Variants in AUTS2 observed in about 807,000 individuals in gnomAD.
AUTS2 encodes the protein activator of transcription and developmental regulator AUTS2, also known as autism susceptibility gene 2 protein.
AUTS2 carries 17 observed loss-of-function variants against 112.4 expected under a neutral mutation model. The observed-to-expected ratio is 0.15, with a 90% CI of 0.10 to 0.23. AUTS2 has a LOEUF of 0.23. Among genes scored for constraint, AUTS2 ranks in the 10% least tolerant of loss-of-function variants. The pLI, the probability that AUTS2 is intolerant of heterozygous loss-of-function variation, is 1.00. For synonymous variants in AUTS2, 751 were observed against 702.7 expected, an observed-to-expected ratio of 1.07 and a Z score of -1.09; for missense variants, 1,510 against 1,701.6, an observed-to-expected ratio of 0.89 and a Z score of 1.98.
At chr7:70,543,531 G>GA (rs5884786) in intron 5 of AUTS2, among the ~76,000 whole-genome samples, 1,400 of 113,248 alleles carry the variant, frequency 0.012, 9 homozygotes, top group Middle Eastern at 0.053. Flanking sequence ...TCCATCTTGG[G>GA]AAAAAAAAAA....
chr7:70,067,138 T>C (rs974999941), intron 2 of AUTS2, among the ~76,000 whole-genome samples: 5 of 152,326 alleles, frequency 3.3e-5, no homozygotes, highest in African/African-American at 1.2e-4. Context: ...GATTAACTTA[T>C]GATGCATTTT....
In AUTS2 at chr7:69,847,209, G is replaced by A. The variant is rs555791601; in HGVS notation, c.310-52077G>A. On this transcript the variant is annotated intron_variant, in intron 1 of 18. Coordinates refer to ENST00000342771, the MANE Select transcript of AUTS2 (RefSeq NM_015570.4). The stretch of plus-strand genomic sequence containing the variant: ...TCAAAAGTTACAGAGTACTAAAGCC[G>A]TAGAATAAGAGTTTCTTTATTCATT... Among the ~76,000 whole-genome samples, 34 of 152,272 alleles carry A rather than the reference G, an allele frequency of 2.2e-4. 1 individual carries two copies. Among genetic ancestry groups the A allele is most frequent in the South Asian group, 4.1e-4 (2 of 4,824 alleles).
At chr7:70,033,223 A>T (rs1384913356) in intron 2 of AUTS2, among the ~76,000 whole-genome samples, 1 of 152,306 alleles carries the variant, frequency 6.6e-6, no homozygotes, top group South Asian at 2.1e-4. Flanking sequence ...TTATTTTTTT[A>T]AAAAGGTATT....
chr7:70,100,689 T>C (rs150233004), intron 2 of AUTS2, among the ~76,000 whole-genome samples: 1 of 152,098 alleles, frequency 6.6e-6, no homozygotes, highest in Non-Finnish European at 1.5e-5. Flanking sequence ...GAATTTCATG[T>C]ACTGAAAAAG....
intron 1 of AUTS2, among the ~76,000 whole-genome samples, chr7:69,738,850 G>A (rs1189824163): frequency 6.6e-6 from 1 of 152,120 alleles, no homozygotes; most frequent in Non-Finnish European, 1.5e-5. Flanking sequence ...TGATTCAGCT[G>A]CTGCTGTTCT....
At chr7:70,588,162 A>C (rs1019414227) in intron 5 of AUTS2, among the ~76,000 whole-genome samples, 2 of 152,232 alleles carry the variant, frequency 1.3e-5, no homozygotes, top group Non-Finnish European at 2.9e-5. Context: ...TGAGCACATC[A>C]GAAATCTGGA....
intron 4 of AUTS2, among the ~76,000 whole-genome samples, chr7:70,396,713 G>A (rs1469513121): frequency 1.3e-5 from 2 of 152,092 alleles, no homozygotes; most frequent in Non-Finnish European, 2.9e-5. Flanking sequence ...CATGCATTGA[G>A]GCCATTTCTT....
intron 2 of AUTS2, among the ~76,000 whole-genome samples, chr7:70,003,273 ATG>A (rs1269292577): frequency 1.0e-4 from 13 of 126,556 alleles, no homozygotes; most frequent in East Asian, 2.3e-4. Flanking sequence ...TATATTATAT[ATG>A]TGAATATATA....
chr7:70,750,066 G>T (rs543068279), intron 6 of AUTS2, among the ~76,000 whole-genome samples: 11 of 152,286 alleles, frequency 7.2e-5, no homozygotes, highest in African/African-American at 2.4e-4. Flanking sequence ...GGCCAGAGTG[G>T]TCCACATGCC....
At chr7:70,649,501 TTTA>T (rs1422521633) in intron 5 of AUTS2, among the ~76,000 whole-genome samples, 22 of 16,426 alleles carry the variant, frequency 1.3e-3, no homozygotes, top group African/African-American at 4.6e-3. Context: ...GGTGATTTAT[TTTA>T]TTTATTTATT....
chr7:69,637,140 A>G (rs951212923), intron 1 of AUTS2, among the ~76,000 whole-genome samples: 1 of 152,210 alleles, frequency 6.6e-6, no homozygotes, highest in Admixed American at 6.5e-5. Context: ...CCAATCTGTT[A>G]TTATTGGACA....
At chr7:70,299,776 C>T (rs1016146825) in intron 4 of AUTS2, among the ~76,000 whole-genome samples, 2 of 151,244 alleles carry the variant, frequency 1.3e-5, no homozygotes, top group African/African-American at 4.9e-5. Context: ...CCTATAGAAT[C>T]GGTATGTCCC....
At chr7:70,102,275 C>T (rs542816101) in intron 2 of AUTS2, among the ~76,000 whole-genome samples, 3 of 151,670 alleles carry the variant, frequency 2.0e-5, no homozygotes, top group Non-Finnish European at 4.4e-5. Context: ...CCTGCCACCA[C>T]GCCCAGCTAA....
At chr7:70,599,107 T>C (rs1263993002) in intron 5 of AUTS2, among the ~76,000 whole-genome samples, 3 of 152,232 alleles carry the variant, frequency 2.0e-5, no homozygotes, top group Non-Finnish European at 2.9e-5. Flanking sequence ...GTAGTGGGTA[T>C]CAGTCAGCAC....
At chr7:69,816,519 A>C (rs560148134) in intron 1 of AUTS2, among the ~76,000 whole-genome samples, 1 of 152,296 alleles carries the variant, frequency 6.6e-6, no homozygotes, top group South Asian at 2.1e-4. Context: ...CAGCATTCAC[A>C]GCTGCTGTCT....
At chr7:70,317,734 G>T (rs990114959) in intron 4 of AUTS2, among the ~76,000 whole-genome samples, 2 of 152,184 alleles carry the variant, frequency 1.3e-5, no homozygotes, top group Non-Finnish European at 2.9e-5. Context: ...TAAAGGTACC[G>T]AAGGCATGGC....
At chr7:69,682,350 T>A (rs1274460601) in intron 1 of AUTS2, among the ~76,000 whole-genome samples, 1 of 152,216 alleles carries the variant, frequency 6.6e-6, no homozygotes, top group Non-Finnish European at 1.5e-5. Context: ...GCCTGGCATG[T>A]TGTCCTACAC....
chr7:70,096,335 G>C (rs1357367205), intron 2 of AUTS2, among the ~76,000 whole-genome samples: 1 of 152,004 alleles, frequency 6.6e-6, no homozygotes, highest in Non-Finnish European at 1.5e-5. Flanking sequence ...AGTGGCTCAC[G>C]TCTGTAATCC....
chr7:70,182,545 C>T (rs1330633960), intron 4 of AUTS2, among the ~76,000 whole-genome samples: 1 of 152,138 alleles, frequency 6.6e-6, no homozygotes, highest in African/African-American at 2.4e-5. Flanking sequence ...TCAAATCGAA[C>T]TGAATGGATC....
Sources: allele counts gnomAD v4.1 joint callset (sites outside exome capture counted in the v4.1 genomes callset), GRCh38; gene constraint gnomAD v4.1.1; transcripts MANE v1.5; gene names NCBI Gene and HGNC (gene_info 2026-07-23, HGNC 2026-07-21).